The following ZC3H18 variants were observed in gnomAD, a reference collection of about 807,000 sequenced individuals.
The protein encoded by ZC3H18 is zinc finger CCCH domain-containing protein 18.
Under a neutral mutation model 106.1 loss-of-function variants are expected in ZC3H18, and 8 were observed. The observed-to-expected ratio is 0.08, with a 90% CI of 0.04 to 0.14. The LOEUF is 0.14. ZC3H18 is among the 10% of genes least tolerant of loss of function. ZC3H18 has a pLI of 1.00. For missense variants in ZC3H18, 1,318 were observed against 1,278.4 expected (o/e 1.03, Z -0.47); for synonymous variants, 635 against 522.1 (o/e 1.22, Z -2.95).
At position 88,628,038 on chromosome 16, in the gene ZC3H18, A is replaced by G; in HGVS notation, c.2388A>G (p.Thr796=). ...GGAAGTCCTCCCAGCAGCCCTCGAC[A>G]CCCCAGCAGGCACCCCCCGGGCAGC... ...AGGKSSQQPS[T]PQQAPPGQPQ... is the part of the protein sequence containing the mutation. The change falls in exon 15 of 18, where the codon ACA becomes ACG. Residue 796 remains threonine, a synonymous_variant. Transcript: ENST00000301011. 3 of 1,613,950 alleles carry G rather than the reference A, an allele frequency of 1.9e-6. No homozygotes were observed. Among genetic ancestry groups the G allele is most frequent in the Non-Finnish European group, 2.5e-6 (3 of 1,180,000 alleles).
intron 15 of ZC3H18, 131 bp from the exon 16 acceptor site, chr16:88,628,627 G>A (rs1016946884): frequency 5.3e-6 from 5 of 942,560 alleles, no homozygotes; most frequent in Non-Finnish European, 8.3e-6. Flanking sequence ...GGGCTACGGG[G>A]TCTCATGGGT....
At chr16:88,609,110 C>CT (rs1242388530) in intron 7 of ZC3H18, 59 bp downstream of exon 7, 1 of 1,406,456 alleles carries the variant, frequency 7.1e-7, no homozygotes, top group Non-Finnish European at 9.9e-7. Context: ...CAAGTTATCC[C>CT]TTTTTATTTA....
chr16:88,587,848 G>C (rs1915526640), intron 3 of ZC3H18, among the ~76,000 whole-genome samples: 1 of 152,216 alleles, frequency 6.6e-6, no homozygotes, highest in Non-Finnish European at 1.5e-5. Flanking sequence ...TCAGAGGCAG[G>C]CTGTGCTCTT....
intron 17 of ZC3H18, 123 bp downstream of exon 17, chr16:88,630,704 G>C: frequency 1.3e-6 from 1 of 758,848 alleles, no homozygotes; most frequent in South Asian, 1.7e-5. Flanking sequence ...TACAGCTCCT[G>C]CTGGTCTGAC....
At chr16:88,614,932 T>C (rs1313013150) in intron 8 of ZC3H18, among the ~76,000 whole-genome samples, 2 of 148,290 alleles carry the variant, frequency 1.3e-5, no homozygotes, top group African/African-American at 2.5e-5. Flanking sequence ...CTGCCCCCAT[T>C]TCCTCCATTC....
chr16:88,594,961 GACCA>G (rs1347816280), intron 3 of ZC3H18, among the ~76,000 whole-genome samples: 1 of 152,142 alleles, frequency 6.6e-6, no homozygotes, highest in Non-Finnish European at 1.5e-5. Flanking sequence ...AGACTAGCCT[GACCA>G]ACATGGAGAA....
At chr16:88,587,564 T>C (rs1359854094) in intron 3 of ZC3H18, 1 of 1,535,474 alleles carries the variant, frequency 6.5e-7, no homozygotes, top group Non-Finnish European at 8.7e-7. Flanking sequence ...CATTATCCAC[T>C]CTTCTTCCAC....
At chr16:88,607,487 C>T (rs948120180) in intron 6 of ZC3H18, among the ~76,000 whole-genome samples, 5 of 152,214 alleles carry the variant, frequency 3.3e-5, no homozygotes, top group African/African-American at 9.6e-5. Flanking sequence ...TGGGCGATTC[C>T]GAGCTGCGCT....
At position 88,630,581 on chromosome 16, in the gene ZC3H18, G is replaced by T; in HGVS notation, c.2663G>T (p.Arg888Met). 1 of 1,601,450 alleles carries T rather than the reference G, an allele frequency of 6.2e-7. No individual in the cohort carries two copies. The highest frequency in any genetic ancestry group is 8.5e-7 in the Non-Finnish European group (1 of 1,176,652). The change falls in exon 17 of 18, where the codon AGG becomes ATG. Residue 888 changes from arginine (R) to methionine (M), a missense_variant and splice_region_variant. Physicochemically the swap from Arg to Met is moderately conservative, Grantham distance 91 (BLOSUM62 -1). This residue lies in a region of ZC3H18 where 848 missense variants were observed against 821.7 expected (regional missense o/e 1.03). Coordinates refer to ENST00000301011, the MANE Select transcript of ZC3H18 (RefSeq NM_144604.4). ...NSKAPAAPAD[R>M]KRQLSPQSKS... The stretch of plus-strand genomic sequence containing the variant: ...AAAGCCCCTGCAGCCCCGGCTGACA[G>T]GTGAGTCCCACCCAGCATGTGCCCT...
At chr16:88,613,133 C>A (rs1905365074) in intron 8 of ZC3H18, among the ~76,000 whole-genome samples, 1 of 152,220 alleles carries the variant, frequency 6.6e-6, no homozygotes. Context: ...CGGAAGTGTG[C>A]AATACACAGC....
rs966351063 is a variant in ZC3H18, at chr16:88,593,177, G to A, written c.689-5001G>A. Among the ~76,000 whole-genome samples, 81 of 152,134 alleles carry A rather than the reference G, an allele frequency of 5.3e-4. 5 individuals carry two copies. Among genetic ancestry groups the A allele is most frequent in the Non-Finnish European group, 2.9e-5 (2 of 68,012 alleles). ...ATGAAATATGCTCGCATGATGACAC[G>A]GAGGCCCTGCCACTTAGCATTGGGC... On this transcript the variant is annotated intron_variant, in intron 3 of 17. Coordinates refer to ENST00000301011, the MANE Select transcript of ZC3H18 (RefSeq NM_144604.4).
chr16:88,628,807 G>C lies in ZC3H18; in HGVS notation c.2519G>C (p.Arg840Thr). 2 of 1,614,146 alleles carry C rather than the reference G, an allele frequency of 1.2e-6. No individual in the cohort carries two copies. Among genetic ancestry groups the C allele is most frequent in the Non-Finnish European group, 1.7e-6 (2 of 1,180,010 alleles). Reference protein sequence around the residue: ...RKRYEPSDKDRQSPPPAKRPN... With the variant: ...RKRYEPSDKDTQSPPPAKRPN... The stretch of plus-strand genomic sequence containing the variant: ...CGCTATGAACCATCAGACAAGGACA[G>C]GCAGAGCCCTCCTCCAGCCAAGCGG... The change falls in exon 16 of 18, where the codon AGG (arginine) becomes ACG (threonine). Residue 840 changes from arginine to threonine, a missense_variant. Physicochemically the swap from Arg to Thr is moderately conservative, Grantham distance 71 (BLOSUM62 -1). This residue lies in a region of ZC3H18 where 848 missense variants were observed against 821.7 expected (regional missense o/e 1.03). Transcript: ENST00000301011.
chr16:88,623,532 C>A, intron 10 of ZC3H18, 188 bp downstream of exon 10: 1 of 755,044 alleles, frequency 1.3e-6, no homozygotes, highest in Non-Finnish European at 2.1e-6. Flanking sequence ...GGGCCCTCGT[C>A]CTTGTGTAGA....
chr16:88,620,615 A>C (rs1266666097), intron 8 of ZC3H18, among the ~76,000 whole-genome samples: 2 of 150,828 alleles, frequency 1.3e-5, no homozygotes, highest in Non-Finnish European at 2.9e-5. Flanking sequence ...CGTTCTGCTT[A>C]TACAATTGCC....
intron 7 of ZC3H18, 33 bp from the exon 8 acceptor site, chr16:88,611,235 C>A (rs777260522): frequency 1.4e-6 from 1 of 739,024 alleles, no homozygotes; most frequent in Non-Finnish European, 2.5e-6. Context: ...AAATAACGCA[C>A]GGTGTCCCCA....
intron 1 of ZC3H18, among the ~76,000 whole-genome samples, chr16:88,576,324 G>A (rs1257335377): frequency 3.3e-5 from 5 of 152,038 alleles, no homozygotes; most frequent in Non-Finnish European, 4.4e-5. Context: ...TTGTAGATGC[G>A]AGCCACCGTA....
At chr16:88,628,264 C>T (rs1906440444) in intron 15 of ZC3H18, 145 bp downstream of exon 15, 5 of 959,110 alleles carry the variant, frequency 5.2e-6, no homozygotes, top group South Asian at 1.7e-5. Flanking sequence ...GGTAACAAAG[C>T]GAGACTCCAT....
rs199952133 is a variant in ZC3H18, at chr16:88,624,700, G to A, written c.1997G>A (p.Arg666Gln). Residue 666 changes from arginine to glutamine, a missense_variant, in exon 12 of 18, where the codon CGG becomes CAG. Arg to Gln is a conservative substitution (Grantham distance 43, BLOSUM62 1). Transcript: ENST00000301011. Reference protein sequence around the residue: ...VPEPTKPGDPREARRKERPAR... With the variant: ...VPEPTKPGDPQEARRKERPAR... ...GAGCCCACCAAGCCAGGAGACCCTC[G>A]GGAAGCCAGGAGGAAGGAGCGGCCA... The A allele has an allele frequency of 6.5e-5, 105 of 1,613,586 alleles. No individual in the cohort carries two copies. In the East Asian group the frequency reaches 1.9e-3, roughly 28 times the overall value.
At chr16:88,573,965 C>A (rs1334516623) in intron 1 of ZC3H18, among the ~76,000 whole-genome samples, 2 of 151,942 alleles carry the variant, frequency 1.3e-5, no homozygotes, top group East Asian at 1.9e-4. Flanking sequence ...CTCCGCCCCC[C>A]CGAGTTCAAG....
Sources: allele counts gnomAD v4.1 joint callset (sites outside exome capture counted in the v4.1 genomes callset), GRCh38; gene constraint gnomAD v4.1.1; regional missense constraint gnomAD v4.1.1; transcripts MANE v1.5; gene names NCBI Gene and HGNC (gene_info 2026-07-23, HGNC 2026-07-21).